The following CSMD3 variants were observed in gnomAD, a reference collection of about 807,000 sequenced individuals.
The protein encoded by CSMD3 is CUB and sushi domain-containing protein 3.
CSMD3 carries 177 observed loss-of-function variants against 435.2 expected under a neutral mutation model. The observed-to-expected ratio is 0.41, with a 90% confidence interval of 0.36 to 0.46. CSMD3 has a LOEUF of 0.46. Among genes scored for constraint, CSMD3 ranks in the 20% least tolerant of loss-of-function variants. CSMD3 has a pLI of 0.34. For missense variants in CSMD3, 4,265 were observed against 4,504.6 expected (o/e 0.95, Z 1.52); for synonymous variants, 1,656 against 1,520.5 (o/e 1.09, Z -2.07).
intron 19 of CSMD3, 45 bp downstream of exon 19, chr8:112,650,116 T>G (rs756202118): frequency 3.0e-6 from 4 of 1,350,026 alleles, no homozygotes; most frequent in Non-Finnish European, 4.3e-6. Context: ...CATTGATTTT[T>G]CTGTTTATAA....
rs371495736 is a variant in CSMD3, at chr8:112,372,017, A to G, written c.6136+8335T>C. ...AGAAAGGAAGAATGAAGACTACTTG[A>G]TAACAAAATACAAAAACAAACACAG... On this transcript the variant is annotated intron_variant, in intron 38 of 70. Transcript: ENST00000297405. Among the ~76,000 whole-genome samples the G allele has an allele frequency of 1.5e-4, 23 of 152,146 alleles. 1 individual carries two copies. The highest frequency in any genetic ancestry group is 5.3e-4 in the African/African-American group (22 of 41,422).
At chr8:112,623,916 G>A (rs1834277769) in intron 22 of CSMD3, among the ~76,000 whole-genome samples, 1 of 151,922 alleles carries the variant, frequency 6.6e-6, no homozygotes, top group South Asian at 2.1e-4. Context: ...ATGAATGAAG[G>A]CTAAATTTCA....
chr8:113,084,522 C>A (rs1036585374), intron 5 of CSMD3, among the ~76,000 whole-genome samples: 2 of 150,058 alleles, frequency 1.3e-5, no homozygotes, highest in East Asian at 2.0e-4. Flanking sequence ...AATGACCATA[C>A]AACCTGAAGG....
intron 45 of CSMD3, among the ~76,000 whole-genome samples, chr8:112,333,942 A>G (rs1013515675): frequency 6.6e-6 from 1 of 152,206 alleles, no homozygotes; most frequent in African/African-American, 2.4e-5. Context: ...ATTATGTATT[A>G]GTTCCCGAAT....
intron 6 of CSMD3, among the ~76,000 whole-genome samples, chr8:112,981,761 G>C (rs1486677575): frequency 1.3e-5 from 2 of 151,572 alleles, no homozygotes; most frequent in Non-Finnish European, 3.0e-5. Flanking sequence ...ATTATGAATT[G>C]CTAGAAATTT....
In CSMD3 at chr8:112,945,877, C is replaced by T. The variant is rs2083594586; in HGVS notation, c.1508+1913G>A. Among the ~76,000 whole-genome samples, 4 of 151,572 alleles carry T rather than the reference C, an allele frequency of 2.6e-5. No individual in the cohort carries two copies. The Admixed American group carries it at 2.6e-4, about 10-fold the overall frequency. On this transcript the variant is annotated intron_variant, in intron 9 of 70. Coordinates refer to ENST00000297405, the MANE Select transcript of CSMD3 (RefSeq NM_198123.2). Reference sequence around the variant, plus strand: ...TTCTTTTCAGGCTATTCCTTCCCTGCCGGTGGGACACATATACTTCTTCCA... The same window carrying T: ...TTCTTTTCAGGCTATTCCTTCCCTGTCGGTGGGACACATATACTTCTTCCA...
At chr8:112,457,491 C>T (rs896749193) in intron 32 of CSMD3, among the ~76,000 whole-genome samples, 8 of 152,034 alleles carry the variant, frequency 5.3e-5, no homozygotes, top group African/African-American at 7.2e-5. Flanking sequence ...GTTAATTCTA[C>T]GGAGAAATGT....
intron 31 of CSMD3, among the ~76,000 whole-genome samples, chr8:112,479,053 G>A (rs934888664): frequency 3.3e-5 from 5 of 152,204 alleles, no homozygotes; most frequent in African/African-American, 7.2e-5. Context: ...ACCCTTCAAT[G>A]TCCAGAATAT....
At chr8:112,453,836 G>T (rs1207552582) in intron 32 of CSMD3, among the ~76,000 whole-genome samples, 1 of 152,100 alleles carries the variant, frequency 6.6e-6, no homozygotes, top group Non-Finnish European at 1.5e-5. Flanking sequence ...CAAAGCCAGA[G>T]TCATCACATT....
intron 5 of CSMD3, among the ~76,000 whole-genome samples, chr8:113,037,699 C>T (rs557351650): frequency 2.6e-5 from 4 of 152,128 alleles, no homozygotes; most frequent in African/African-American, 9.6e-5. Context: ...GCATCAATAT[C>T]TATCAAACCC....
intron 4 of CSMD3, among the ~76,000 whole-genome samples, chr8:113,172,111 TGTGA>T (rs1300542593): frequency 4.6e-5 from 7 of 152,206 alleles, no homozygotes; most frequent in Non-Finnish European, 8.8e-5. Context: ...CTAGTGCTGC[TGTGA>T]GTAATAAACT....
chr8:112,542,981 C>T (rs1290083204), intron 27 of CSMD3, among the ~76,000 whole-genome samples: 1 of 151,912 alleles, frequency 6.6e-6, no homozygotes, highest in Non-Finnish European at 1.5e-5. Context: ...GGAGGGGTAC[C>T]AGGAATGCAC....
At chr8:113,347,529 T>G (rs1368162842) in intron 1 of CSMD3, among the ~76,000 whole-genome samples, 1 of 152,170 alleles carries the variant, frequency 6.6e-6, no homozygotes, top group Non-Finnish European at 1.5e-5. Flanking sequence ...CAGGCTTTTT[T>G]TCTTTCATGG....
chr8:112,445,341 A>G (rs1586348652), intron 32 of CSMD3, among the ~76,000 whole-genome samples: 1 of 152,262 alleles, frequency 6.6e-6, no homozygotes, highest in East Asian at 1.9e-4. Context: ...AGGCTGGGTC[A>G]TTTATAAAGA....
chr8:113,362,312 T>G (rs145831437), intron 1 of CSMD3, among the ~76,000 whole-genome samples: 233 of 152,232 alleles, frequency 1.5e-3, no homozygotes, highest in African/African-American at 5.5e-3. Flanking sequence ...GCAACAGAAG[T>G]TGGCATTGAG....
At chr8:112,761,092 A>G (rs1252586432) in intron 13 of CSMD3, among the ~76,000 whole-genome samples, 1 of 152,038 alleles carries the variant, frequency 6.6e-6, no homozygotes, top group Non-Finnish European at 1.5e-5. Flanking sequence ...CTCTGTTCCA[A>G]TTTTCCATGG....
chr8:112,910,661 A>G (rs2082385529), intron 10 of CSMD3, among the ~76,000 whole-genome samples: 1 of 151,556 alleles, frequency 6.6e-6, no homozygotes, highest in Admixed American at 6.6e-5. Flanking sequence ...CTTTGTCCTC[A>G]TTACTTCAGT....
At chr8:112,711,780 G>T (rs2076614927) in intron 13 of CSMD3, among the ~76,000 whole-genome samples, 1 of 152,070 alleles carries the variant, frequency 6.6e-6, no homozygotes, top group Non-Finnish European at 1.5e-5. Flanking sequence ...TAGAGTCACA[G>T]TCTTGCTTTG....
chr8:112,483,993 G>A (rs566279825), intron 31 of CSMD3, among the ~76,000 whole-genome samples: 1 of 152,300 alleles, frequency 6.6e-6, no homozygotes, highest in Non-Finnish European at 1.5e-5. Flanking sequence ...GCTGTTGAAG[G>A]TCAAGGTGGA....
Sources: allele counts gnomAD v4.1 joint callset (sites outside exome capture counted in the v4.1 genomes callset), GRCh38; gene constraint gnomAD v4.1.1; transcripts MANE v1.5; gene names NCBI Gene and HGNC (gene_info 2026-07-23, HGNC 2026-07-21).